Variants in CFHR5 observed in about 807,000 individuals in gnomAD.
CFHR5 encodes complement factor H-related protein 5.
CFHR5 carries 73 observed loss-of-function variants against 62.9 expected under a neutral mutation model. The observed-to-expected ratio is 1.16, with a 90% confidence interval of 0.96 to 1.41. The LOEUF is 1.41. Ranked by LOEUF, CFHR5 falls within the 40% of genes most tolerant of loss-of-function variation. The pLI is 0.00. For synonymous variants in CFHR5, 249 were observed against 227.2 expected (o/e 1.10, Z -0.86); for missense variants, 779 against 679.9 (o/e 1.15, Z -1.62).
At position 197,002,537 on chromosome 1, in the gene CFHR5, G is replaced by T; in HGVS notation, c.1203G>T (p.Met401Ile). Residue 401 changes from methionine (M) to isoleucine (I), a missense_variant, in exon 8 of 10, where the codon ATG (methionine) becomes ATT (isoleucine). Met to Ile is a conservative substitution (Grantham distance 10, BLOSUM62 1). Coordinates refer to ENST00000256785, the MANE Select transcript of CFHR5 (RefSeq NM_030787.4). ...CTCAGATACCTAATGCTCAGAATAT[G>T]ACAACCACAGTGAATTATCAGGATG... is the stretch of plus-strand genomic sequence containing the variant. ...PPPQIPNAQN[M>I]TTTVNYQDGE... The T allele has an allele frequency of 6.2e-7, 1 of 1,613,662 alleles. No homozygotes were observed. Among genetic ancestry groups the T allele is most frequent in the South Asian group, 1.1e-5 (1 of 91,052 alleles).
At chr1:197,002,762 T>G in intron 8 of CFHR5, 98 bp downstream of exon 8, 5 of 993,504 alleles carry the variant, frequency 5.0e-6, no homozygotes, top group Non-Finnish European at 7.7e-6. Context: ...ACTAATCTGT[T>G]GCACTGTACC....
intron 4 of CFHR5, among the ~76,000 whole-genome samples, 177 bp from the exon 5 acceptor site, chr1:196,995,540 C>G (rs1653965071): frequency 6.6e-6 from 1 of 152,008 alleles, no homozygotes; most frequent in Non-Finnish European, 1.5e-5. Context: ...TGAAAAGTGT[C>G]AATATTTGAG....
intron 3 of CFHR5, among the ~76,000 whole-genome samples, 165 bp from the exon 4 acceptor site, chr1:196,993,915 G>C (rs1032089679): frequency 2.6e-5 from 4 of 152,016 alleles, no homozygotes; most frequent in Non-Finnish European, 4.4e-5. Flanking sequence ...AGGGGTCTTA[G>C]ATATATTTAT....
Position 196,982,928 on chromosome 1 carries a change from T to G in CFHR5, c.102T>G (p.Tyr34Ter). The G allele has an allele frequency of 6.2e-7, 1 of 1,614,096 alleles. No homozygotes were observed. Among genetic ancestry groups the G allele is most frequent in the Non-Finnish European group, 8.5e-7 (1 of 1,179,988 alleles). Residue 34 changes from tyrosine (Y) to a stop codon, truncating the protein, a stop_gained, in exon 2 of 10, where the codon TAT becomes TAG. Transcript: ENST00000256785. LOFTEE classifies it high-confidence loss of function. ...CAAAAATACACCATGGATTTCTGTA[T>G]GATGAAGAAGATTATAACCCTTTTT... The part of the protein sequence containing the change: ...DFPKIHHGFL[Y>*]DEEDYNPFSQ...
In CFHR5 at chr1:196,996,184, A is replaced by C. The variant is rs1423258319; in HGVS notation, c.953A>C (p.Glu318Ala). Residue 318 changes from glutamate to alanine, a missense_variant, in exon 6 of 10, where the codon GAG (glutamate) becomes GCG (alanine). Physicochemically the swap from Glu to Ala is moderately radical, Grantham distance 107. Transcript: ENST00000256785. Reference sequence around the variant, plus strand: ...ACCTGTATTAATGGAATATGGACAGAGCTTCCTATGTGTGTTGGTGAGAAA... The same window carrying C: ...ACCTGTATTAATGGAATATGGACAGCGCTTCCTATGTGTGTTGGTGAGAAA... ...MITCINGIWT[E>A]LPMCVATHQL... 6.2e-7 allele frequency: 1 copy of C among 1,611,218 alleles called. No individual in the cohort carries two copies.
intron 3 of CFHR5, among the ~76,000 whole-genome samples, chr1:196,989,848 T>G (rs1653795041): frequency 6.6e-6 from 1 of 152,296 alleles, no homozygotes; most frequent in East Asian, 1.9e-4. Context: ...TATATTCTGT[T>G]GATTTGAAGT....
intron 9 of CFHR5, among the ~76,000 whole-genome samples, chr1:197,007,763 TATA>T (rs1006258012): frequency 1.1e-4 from 16 of 147,528 alleles, no homozygotes; most frequent in Non-Finnish European, 1.8e-4. Context: ...ATAATATACA[TATA>T]ATATGTTATG....
chr1:196,995,460 T>C (rs868484811), intron 4 of CFHR5, among the ~76,000 whole-genome samples: 20 of 152,286 alleles, frequency 1.3e-4, no homozygotes, highest in Admixed American at 4.6e-4. Context: ...CATTTTTATA[T>C]CTAGGTAATC....
chr1:196,985,457 T>G (rs556642750), intron 3 of CFHR5, among the ~76,000 whole-genome samples: 5 of 152,274 alleles, frequency 3.3e-5, no homozygotes, highest in Non-Finnish European at 2.9e-5. Flanking sequence ...CATGGTCTCT[T>G]TCAATTACAA....
intron 3 of CFHR5, among the ~76,000 whole-genome samples, chr1:196,987,058 A>G (rs1347694065): frequency 6.6e-6 from 1 of 152,162 alleles, no homozygotes; most frequent in African/African-American, 2.4e-5. Context: ...AATGATCGCC[A>G]TTCTAACTGG....
intron 3 of CFHR5, among the ~76,000 whole-genome samples, chr1:196,990,740 A>G (rs150513367): frequency 0.013 from 2,055 of 152,228 alleles, 55 homozygotes; most frequent in African/African-American, 0.047. Flanking sequence ...CGAGAGATCC[A>G]CTATTAGTCT....
chr1:196,981,928 C>T (rs1653553187), intron 1 of CFHR5, among the ~76,000 whole-genome samples: 1 of 151,306 alleles, frequency 6.6e-6, no homozygotes, highest in Non-Finnish European at 1.5e-5. Flanking sequence ...TTTGGACTTG[C>T]AGTATAATAA....
At chr1:196,985,389 A>C (rs1653656076) in intron 3 of CFHR5, among the ~76,000 whole-genome samples, 1 of 152,162 alleles carries the variant, frequency 6.6e-6, no homozygotes, top group Admixed American at 6.6e-5. Flanking sequence ...AAACCTCTAG[A>C]AATGGAGTCT....
chr1:196,984,289 C>T, intron 3 of CFHR5, 152 bp downstream of exon 3: 1 of 682,508 alleles, frequency 1.5e-6, no homozygotes, highest in Non-Finnish European at 2.5e-6. Context: ...AGTAGATGTG[C>T]AATAACATAG....
intron 5 of CFHR5, 47 bp from the exon 6 acceptor site, chr1:196,995,975 T>C (rs759599194): frequency 6.2e-7 from 1 of 1,600,530 alleles, no homozygotes; most frequent in Admixed American, 1.7e-5. Context: ...TGTAAACAGA[T>C]TTAAAATATT....
At position 196,984,075 on chromosome 1, in the gene CFHR5, A is replaced by G; in HGVS notation, c.368A>G (p.Asn123Ser). 1.2e-6 allele frequency: 2 copies of G among 1,613,832 alleles called. No individual in the cohort carries two copies. Among genetic ancestry groups the G allele is most frequent in the Admixed American group, 1.7e-5 (1 of 60,000 alleles). The change falls in exon 3 of 10, where the codon AAT becomes AGT. Residue 123 changes from asparagine to serine, a missense_variant. Coordinates refer to ENST00000256785, the MANE Select transcript of CFHR5 (RefSeq NM_030787.4). ...ICNTGYSLQN[N>S]EKNISCVERG... ...AACACAGGATACAGCCTTCAAAACA[A>G]TGAGAAAAACATTTCGTGTGTAGAA... is the stretch of plus-strand genomic sequence containing the variant.
chr1:196,983,187 G>C, intron 2 of CFHR5, 108 bp downstream of exon 2: 1 of 1,478,144 alleles, frequency 6.8e-7, no homozygotes, highest in African/African-American at 1.4e-5. Context: ...GACCAGAGGA[G>C]CTGGAAAAAT....
intron 6 of CFHR5, among the ~76,000 whole-genome samples, chr1:196,997,231 C>A (rs1654016040): frequency 6.6e-6 from 1 of 152,110 alleles, no homozygotes; most frequent in African/African-American, 2.4e-5. Flanking sequence ...TGGTCAGTGG[C>A]CATCCGTGAT....
At chr1:196,985,187 C>A (rs1212614079) in intron 3 of CFHR5, among the ~76,000 whole-genome samples, 2 of 152,088 alleles carry the variant, frequency 1.3e-5, no homozygotes, top group Non-Finnish European at 2.9e-5. Context: ...TATTCCACAT[C>A]TTCAACTCTT....
Sources: allele counts gnomAD v4.1 joint callset (sites outside exome capture counted in the v4.1 genomes callset), GRCh38; gene constraint gnomAD v4.1.1; transcripts MANE v1.5; gene names NCBI Gene and HGNC (gene_info 2026-07-23, HGNC 2026-07-21).